SEMA5A: variants seen among roughly 807,000 people sequenced by gnomAD.
SEMA5A encodes the protein semaphorin 5A.
A neutral mutation model predicts 135.5 loss-of-function variants in SEMA5A; 55 were observed. The observed-to-expected ratio is 0.41, with a 90% CI of 0.33 to 0.51. The LOEUF (loss-of-function observed/expected upper bound fraction) is 0.51, where lower values mean the gene tolerates loss of function less well. Among genes scored for constraint, SEMA5A ranks in the 20% least tolerant of loss-of-function variants. The pLI, the probability that SEMA5A is intolerant of heterozygous loss-of-function variation, is 0.37. For missense variants in SEMA5A, 1,290 were observed against 1,419.9 expected (o/e 0.91, Z 1.47); for synonymous variants, 580 against 546.5 (o/e 1.06, Z -0.85).
Position 9,426,719 on chromosome 5 carries a change from G to A in SEMA5A, c.-78+11037C>T, listed in dbSNP as rs552013555. Among the ~76,000 whole-genome samples the A allele has an allele frequency of 9.2e-5, 14 of 152,224 alleles. No individual in the cohort carries two copies. The South Asian group carries it at 1.9e-3, about 20-fold the overall frequency. On this transcript the variant is annotated intron_variant, in intron 2 of 22. Transcript: ENST00000382496. ...CATGCACACGTGATTAGAAATGTTCGTTCTGGGTGTATCTGATCATTTAGT... is the reference window on the plus strand; with the variant it reads ...CATGCACACGTGATTAGAAATGTTCATTCTGGGTGTATCTGATCATTTAGT...
At chr5:9,438,664 C>T (rs1043039372) in intron 1 of SEMA5A, among the ~76,000 whole-genome samples, 1 of 152,162 alleles carries the variant, frequency 6.6e-6, no homozygotes, top group Admixed American at 6.5e-5. Flanking sequence ...CTGTTCTCTT[C>T]ATTCATCTGG....
intron 21 of SEMA5A, among the ~76,000 whole-genome samples, chr5:9,049,054 T>C (rs1432233566): frequency 6.6e-6 from 1 of 152,180 alleles, no homozygotes; most frequent in African/African-American, 2.4e-5. Context: ...ACAGAGCAGG[T>C]GTTCAGCAAG....
chr5:9,314,330 T>C lies in SEMA5A; in HGVS notation c.270+4042A>G, dbSNP rs141353245. Reference sequence around the variant, plus strand: ...CTAGCTGGTCCAAATCCAAATGTGATGGAAATATAAAACACACACTGGAGT... The same window carrying C: ...CTAGCTGGTCCAAATCCAAATGTGACGGAAATATAAAACACACACTGGAGT... On this transcript the variant is annotated intron_variant, in intron 5 of 22. Transcript: ENST00000382496. 9.8e-4 allele frequency among the ~76,000 whole-genome samples: 143 copies of C among 146,262 alleles called. No individual in the cohort carries two copies. In the Middle Eastern group the frequency reaches 0.011, roughly 11 times the overall value.
chr5:9,327,910 T>C (rs1356572430), intron 4 of SEMA5A, among the ~76,000 whole-genome samples: 2 of 152,182 alleles, frequency 1.3e-5, no homozygotes, highest in South Asian at 2.1e-4. Flanking sequence ...AATTTTTCAT[T>C]TGAAAAAAAA....
intron 11 of SEMA5A, among the ~76,000 whole-genome samples, chr5:9,172,199 C>T (rs572398714): frequency 6.6e-6 from 1 of 152,276 alleles, no homozygotes; most frequent in Non-Finnish European, 1.5e-5. Flanking sequence ...TGGCTATTAT[C>T]CAATCCGTGC....
intron 1 of SEMA5A, among the ~76,000 whole-genome samples, chr5:9,525,772 A>T (rs1433747840): frequency 6.6e-6 from 1 of 152,280 alleles, no homozygotes; most frequent in Non-Finnish European, 1.5e-5. Flanking sequence ...TTCTTTGAAC[A>T]CCAGACTGAG....
intron 11 of SEMA5A, among the ~76,000 whole-genome samples, chr5:9,159,727 A>G (rs1046034195): frequency 7.2e-5 from 11 of 152,344 alleles, no homozygotes; most frequent in Middle Eastern, 3.4e-3. Context: ...AAAATAAATC[A>G]TTCTACTATA....
At chr5:9,528,070 T>A (rs1040891867) in intron 1 of SEMA5A, among the ~76,000 whole-genome samples, 1 of 152,210 alleles carries the variant, frequency 6.6e-6, no homozygotes, top group South Asian at 2.1e-4. Context: ...AACATTGTCT[T>A]TATAGAAATG....
intron 9 of SEMA5A, 96 bp downstream of exon 9, chr5:9,201,859 C>T: frequency 8.2e-7 from 1 of 1,220,194 alleles, no homozygotes; most frequent in Non-Finnish European, 1.1e-6. Context: ...GAAAGATTTT[C>T]TCTAAAGTAA....
At chr5:9,107,959 G>A (rs1323531950) in intron 16 of SEMA5A, among the ~76,000 whole-genome samples, 181 bp downstream of exon 16, 1 of 152,164 alleles carries the variant, frequency 6.6e-6, no homozygotes, top group Non-Finnish European at 1.5e-5. Flanking sequence ...AGAATGTACA[G>A]AGCACCTAGT....
At chr5:9,076,868 TTGTGTGTGTGTGTGTGTG>T (rs70943938) in intron 16 of SEMA5A, among the ~76,000 whole-genome samples, 4,676 of 144,092 alleles carry the variant, frequency 0.032, 98 homozygotes, top group Middle Eastern at 0.049. Flanking sequence ...ATTACGATCT[TTGTGTGTGTGTGTGTGTG>T]TGTGTGTGTG....
intron 12 of SEMA5A, among the ~76,000 whole-genome samples, chr5:9,140,350 CTA>C (rs1302358790): frequency 6.6e-6 from 1 of 152,174 alleles, no homozygotes; most frequent in East Asian, 1.9e-4. Flanking sequence ...TGAGAATAAA[CTA>C]TCACAACCAA....
intron 11 of SEMA5A, among the ~76,000 whole-genome samples, chr5:9,159,269 A>G (rs1449258407): frequency 6.6e-6 from 1 of 152,240 alleles, no homozygotes; most frequent in Non-Finnish European, 1.5e-5. Context: ...AAGGATTATA[A>G]CAATGGACTC....
rs1240274111 is a variant in SEMA5A, at chr5:9,040,655, A to G, written c.*2242T>C. On this transcript the variant is annotated 3_prime_UTR_variant, in exon 23 of 23. Transcript: ENST00000382496. ...CTAATTTCAAAGGTTTGTTTATATTATTAACAACATGAAGATCCTGTAGTG... is the reference window on the plus strand; with the variant it reads ...CTAATTTCAAAGGTTTGTTTATATTGTTAACAACATGAAGATCCTGTAGTG... The G allele has an allele frequency of 6.6e-6, 1 of 152,228 alleles. No homozygotes were observed. Among genetic ancestry groups the G allele is most frequent in the Non-Finnish European group, 1.5e-5 (1 of 68,038 alleles). The allele number at this position is 152,228 out of a possible 1,614,324, so 9.4% of individuals were successfully genotyped here. A position where few individuals can be genotyped will look rare whatever the true frequency, so the allele number is the denominator to read the frequency against.
chr5:9,409,418 A>G (rs1317240622), intron 2 of SEMA5A, among the ~76,000 whole-genome samples: 1 of 152,166 alleles, frequency 6.6e-6, no homozygotes, highest in Non-Finnish European at 1.5e-5. Flanking sequence ...CAGAGAAACC[A>G]TGTAACAAAA....
Position 9,040,182 on chromosome 5 carries a change from GGAAAGAAGAAAA to G in SEMA5A, c.*2703_*2714del, listed in dbSNP as rs1735885349. ...AAGGAAGAATTAAAGAAAGAAGAAA[GGAAAGAAGAAAA>G]GAAGGCAGGAAGGAAGAACAAAAGG... On this transcript the variant is annotated 3_prime_UTR_variant, in exon 23 of 23. Coordinates refer to ENST00000382496, the MANE Select transcript of SEMA5A (RefSeq NM_003966.3). 1 of 151,924 alleles carries G rather than the reference GGAAAGAAGAAAA, an allele frequency of 6.6e-6. No homozygotes were observed. Among genetic ancestry groups the G allele is most frequent in the African/African-American group, 2.4e-5 (1 of 41,366 alleles). 9.4% of individuals were successfully genotyped at this position (151,924 alleles called of 1,614,324 possible).
chr5:9,057,211 T>C (rs996723932), intron 18 of SEMA5A, among the ~76,000 whole-genome samples: 4 of 152,200 alleles, frequency 2.6e-5, no homozygotes, highest in Admixed American at 2.0e-4. Flanking sequence ...TATACATCGT[T>C]GTATACCTAT....
At chr5:9,093,008 T>A (rs1178491797) in intron 16 of SEMA5A, among the ~76,000 whole-genome samples, 1 of 152,210 alleles carries the variant, frequency 6.6e-6, no homozygotes, top group Admixed American at 6.5e-5. Context: ...GTTCATCTAA[T>A]AGTGTAGTGG....
At chr5:9,442,498 T>A (rs1481748267) in intron 1 of SEMA5A, among the ~76,000 whole-genome samples, 2 of 152,074 alleles carry the variant, frequency 1.3e-5, no homozygotes, top group East Asian at 3.9e-4. Context: ...TTGACTGAGA[T>A]CAACCATAAT....
Sources: gnomAD v4.1 joint callset for allele counts (sites outside exome capture counted in the v4.1 genomes callset) on GRCh38, gnomAD v4.1.1 for gene constraint, MANE v1.5 for transcripts, NCBI Gene and HGNC (gene_info 2026-07-23, HGNC 2026-07-21) for gene names.